Variants in CNTN4 observed in about 807,000 individuals in gnomAD.
The protein encoded by CNTN4 is contactin-4.
In CNTN4, 77 loss-of-function variants were observed where a neutral mutation model predicts 122.5. The ratio of observed to expected loss-of-function variants is 0.63; its 90% CI spans 0.52 to 0.76. CNTN4 has a LOEUF of 0.76. CNTN4 is among the 30% of genes least tolerant of loss of function. CNTN4 has a pLI of 0.00. For synonymous variants in CNTN4, 512 were observed against 447.0 expected (o/e 1.15, Z -1.83); for missense variants, 1,256 against 1,259.1 (o/e 1.00, Z 0.04).
At chr3:2,995,036 A>T (rs1695408540) in intron 14 of CNTN4, among the ~76,000 whole-genome samples, 1 of 152,180 alleles carries the variant, frequency 6.6e-6, no homozygotes, top group South Asian at 2.1e-4. Flanking sequence ...TTGTGACCCT[A>T]GGCATCTAGA....
intron 7 of CNTN4, among the ~76,000 whole-genome samples, chr3:2,858,563 C>G (rs910249762): frequency 6.6e-6 from 1 of 151,616 alleles, no homozygotes; most frequent in Non-Finnish European, 1.5e-5. Context: ...CTGTCTTTAC[C>G]AAAAAATACA....
chr3:2,661,616 C>G (rs1486009966), intron 4 of CNTN4, among the ~76,000 whole-genome samples: 3 of 151,554 alleles, frequency 2.0e-5, no homozygotes, highest in African/African-American at 4.8e-5. Context: ...AATTCAAGAC[C>G]AGCCTGACCA....
At chr3:2,706,219 C>T (rs2086727182) in intron 4 of CNTN4, among the ~76,000 whole-genome samples, 1 of 151,824 alleles carries the variant, frequency 6.6e-6, no homozygotes, top group Non-Finnish European at 1.5e-5. Context: ...AATGCCTGGA[C>T]ATCACAATAG....
At chr3:2,701,407 G>T (rs1166454850) in intron 4 of CNTN4, among the ~76,000 whole-genome samples, 1 of 152,196 alleles carries the variant, frequency 6.6e-6, no homozygotes, top group Non-Finnish European at 1.5e-5. Context: ...GAGGATAACA[G>T]CACACAAAGT....
At chr3:2,351,816 T>G (rs2044635514) in intron 3 of CNTN4, among the ~76,000 whole-genome samples, 1 of 139,238 alleles carries the variant, frequency 7.2e-6, no homozygotes, top group African/African-American at 2.6e-5. Flanking sequence ...AGGTTGGGGG[T>G]TGAGAGGGGG....
chr3:2,255,997 C>G (rs2040574536), intron 2 of CNTN4, among the ~76,000 whole-genome samples: 1 of 151,972 alleles, frequency 6.6e-6, no homozygotes. Context: ...TCAATGAATC[C>G]AGGAGCTGGT....
In CNTN4 at chr3:2,176,916, G is replaced by A. The variant is rs377675872; in HGVS notation, c.-145+76277G>A. 1.3e-4 allele frequency among the ~76,000 whole-genome samples: 20 copies of A among 152,182 alleles called. No homozygotes were observed. In the East Asian group the frequency reaches 3.3e-3, roughly 25 times the overall value. On this transcript the variant is annotated intron_variant, in intron 2 of 24. Transcript: ENST00000418658. ...TGAGAAACAACTTTCCTGTCAAATG[G>A]AAGTCAGGAGAAAATCAACAAAGAG...
intron 3 of CNTN4, among the ~76,000 whole-genome samples, chr3:2,509,900 C>T (rs529118709): frequency 6.6e-6 from 1 of 152,152 alleles, no homozygotes; most frequent in Non-Finnish European, 1.5e-5. Context: ...TCCCAGAGCT[C>T]TTCTGATTGG....
chr3:2,647,380 CATAAATAAATAA>C (rs10591988), intron 4 of CNTN4, among the ~76,000 whole-genome samples: 1,613 of 150,654 alleles, frequency 0.011, 38 homozygotes, highest in African/African-American at 0.037. Flanking sequence ...AAACTCATCT[CATAAATAAATAA>C]ATAAATAAAT....
rs188191770 is a variant in CNTN4 at position 2,140,348 on chromosome 3, A to G, written c.-145+39709A>G. 1.8e-3 allele frequency among the ~76,000 whole-genome samples: 269 copies of G among 152,350 alleles called. 1 individual carries two copies. The highest frequency in any genetic ancestry group is 6.9e-3 in the Admixed American group (106 of 15,294). On this transcript the variant is annotated intron_variant, in intron 2 of 24. Coordinates refer to ENST00000418658, the MANE Select transcript of CNTN4 (RefSeq NM_175607.3). Reference sequence around the variant, plus strand: ...CAGAAGATAAGTGCCTCTGTTGCCCAGATCAGACTGTCTTAGTTCATTCAG... The same window carrying G: ...CAGAAGATAAGTGCCTCTGTTGCCCGGATCAGACTGTCTTAGTTCATTCAG...
chr3:2,125,597 C>T (rs1444706218), intron 2 of CNTN4, among the ~76,000 whole-genome samples: 2 of 147,154 alleles, frequency 1.4e-5, no homozygotes, highest in African/African-American at 5.1e-5. Context: ...CTCACACTGG[C>T]ACCCAGGCTG....
At chr3:2,631,879 C>CAAAAAAAA (rs1027845200) in intron 4 of CNTN4, among the ~76,000 whole-genome samples, 1 of 113,420 alleles carries the variant, frequency 8.8e-6, no homozygotes, top group Non-Finnish European at 1.7e-5. Context: ...AAAAAAAAAA[C>CAAAAAAAA]AAAAAAAAAC....
At chr3:2,505,713 T>G (rs1264563943) in intron 3 of CNTN4, among the ~76,000 whole-genome samples, 3 of 152,228 alleles carry the variant, frequency 2.0e-5, no homozygotes, top group African/African-American at 4.8e-5. Context: ...ATTTGACATT[T>G]GCTTGCAATG....
At chr3:2,634,610 C>T (rs2082578208) in intron 4 of CNTN4, among the ~76,000 whole-genome samples, 2 of 150,978 alleles carry the variant, frequency 1.3e-5, no homozygotes, top group African/African-American at 2.4e-5. Context: ...GCAGGTGGGT[C>T]ATGAGGTCAG....
chr3:2,911,797 A>G (rs769447038), intron 12 of CNTN4, among the ~76,000 whole-genome samples: 5 of 152,182 alleles, frequency 3.3e-5, no homozygotes, highest in Non-Finnish European at 5.9e-5. Context: ...AGAATATAGT[A>G]CTCAATTTAC....
chr3:2,945,841 G>C (rs1189816283), intron 13 of CNTN4, among the ~76,000 whole-genome samples: 1 of 151,948 alleles, frequency 6.6e-6, no homozygotes, highest in African/African-American at 2.4e-5. Flanking sequence ...AAAAATCAAG[G>C]GCTAGAAAAA....
intron 7 of CNTN4, among the ~76,000 whole-genome samples, chr3:2,853,267 C>A (rs535403068): frequency 6.6e-6 from 1 of 151,898 alleles, no homozygotes; most frequent in African/African-American, 2.4e-5. Context: ...GTTTTTGAGA[C>A]GGAGTCTCAC....
chr3:2,132,921 G>A (rs1426972841), intron 2 of CNTN4, among the ~76,000 whole-genome samples: 1 of 152,198 alleles, frequency 6.6e-6, no homozygotes, highest in African/African-American at 2.4e-5. Context: ...TGGTCAAACA[G>A]CTTCCCAGCA....
intron 7 of CNTN4, among the ~76,000 whole-genome samples, chr3:2,843,885 T>C (rs2093408655): frequency 6.6e-6 from 1 of 152,188 alleles, no homozygotes; most frequent in South Asian, 2.1e-4. Context: ...CTTTTAAGTG[T>C]AAGTCGTTCA....
Sources: gnomAD v4.1 joint callset for allele counts (sites outside exome capture counted in the v4.1 genomes callset) on GRCh38, gnomAD v4.1.1 for gene constraint, MANE v1.5 for transcripts, NCBI Gene and HGNC (gene_info 2026-07-23, HGNC 2026-07-21) for gene names.